TULP4: variants seen among roughly 807,000 people sequenced by gnomAD.
The protein encoded by TULP4 is tubby-related protein 4.
In TULP4, 16 loss-of-function variants were observed where a neutral mutation model predicts 129.0. The observed-to-expected ratio is 0.12, with a 90% CI of 0.08 to 0.19. The LOEUF (loss-of-function observed/expected upper bound fraction) is 0.19. TULP4 is among the 10% of genes least tolerant of loss of function. TULP4 has a pLI of 1.00. For missense variants in TULP4, 1,842 were observed against 2,059.1 expected (o/e 0.89, Z 2.04); for synonymous variants, 998 against 854.0 (o/e 1.17, Z -2.94).
chr6:158,460,864 G>C (rs536098318), intron 5 of TULP4, among the ~76,000 whole-genome samples: 2 of 150,944 alleles, frequency 1.3e-5, no homozygotes, highest in African/African-American at 4.9e-5. Flanking sequence ...AGTGGGACCA[G>C]TACTTATATG....
At chr6:158,341,902 A>G (rs1780187848) in intron 1 of TULP4, among the ~76,000 whole-genome samples, 1 of 152,104 alleles carries the variant, frequency 6.6e-6, no homozygotes, top group Admixed American at 6.5e-5. Flanking sequence ...GCAGTGCAGA[A>G]GCTTTTTAGC....
chr6:158,235,315 CA>C (rs1290137480), intron 1 of TULP4, among the ~76,000 whole-genome samples: 1 of 152,106 alleles, frequency 6.6e-6, no homozygotes, highest in Non-Finnish European at 1.5e-5. Context: ...TGTTAAACCC[CA>C]ACTCTTTCTT....
At chr6:158,382,799 GC>G (rs1414784168) in intron 1 of TULP4, among the ~76,000 whole-genome samples, 5 of 152,294 alleles carry the variant, frequency 3.3e-5, no homozygotes, top group African/African-American at 1.2e-4. Flanking sequence ...CTCTTTGTAA[GC>G]CATGAGACTT....
chr6:158,432,367 C>G (rs781048372), intron 3 of TULP4, among the ~76,000 whole-genome samples: 1 of 152,122 alleles, frequency 6.6e-6, no homozygotes, highest in Non-Finnish European at 1.5e-5. Context: ...GGAAAGCGCA[C>G]CCCTGCAGCT....
intron 6 of TULP4, among the ~76,000 whole-genome samples, chr6:158,462,745 T>A (rs1779462198): frequency 7.9e-6 from 1 of 125,950 alleles, no homozygotes; most frequent in Non-Finnish European, 1.6e-5. Context: ...TCTTTTTTTT[T>A]CCTTTTTTTT....
At chr6:158,406,019 T>C (rs951106942) in intron 1 of TULP4, among the ~76,000 whole-genome samples, 35 of 152,194 alleles carry the variant, frequency 2.3e-4, no homozygotes, top group African/African-American at 8.4e-4. Flanking sequence ...CCTCTGAGTG[T>C]TCCACCAGGT....
chr6:158,498,568 G>T, intron 11 of TULP4, 101 bp from the exon 12 acceptor site: 2 of 1,437,128 alleles, frequency 1.4e-6, no homozygotes, highest in South Asian at 2.5e-5. Flanking sequence ...TCTTCTGATG[G>T]CAGGGAAACT....
chr6:158,244,611 A>C (rs1189704634), intron 1 of TULP4, among the ~76,000 whole-genome samples: 1 of 152,188 alleles, frequency 6.6e-6, no homozygotes, highest in African/African-American at 2.4e-5. Context: ...GCAGCTGCCT[A>C]CAAGGGAGGA....
intron 1 of TULP4, among the ~76,000 whole-genome samples, chr6:158,395,311 T>A (rs1341210091): frequency 6.6e-6 from 1 of 152,098 alleles, no homozygotes; most frequent in Non-Finnish European, 1.5e-5. Flanking sequence ...CCGGGCACGG[T>A]GGCTCATGCC....
intron 5 of TULP4, among the ~76,000 whole-genome samples, chr6:158,455,561 A>G (rs1047745961): frequency 1.3e-5 from 2 of 151,882 alleles, no homozygotes; most frequent in African/African-American, 2.4e-5. Flanking sequence ...ACATGGCCAA[A>G]CCTTGTCTCT....
In TULP4 at chr6:158,503,096, C is replaced by T; in HGVS notation, c.3433C>T (p.Pro1145Ser). 3 of 1,614,156 alleles carry T rather than the reference C, an allele frequency of 1.9e-6. No homozygotes were observed. Among genetic ancestry groups the T allele is most frequent in the Non-Finnish European group, 1.7e-6 (2 of 1,180,020 alleles). ...AGAAAGGACAGCACAGACTTCAGGGCCCAACCCCTTAAAACTGTCCTCTCT... is the reference window on the plus strand; with the variant it reads ...AGAAAGGACAGCACAGACTTCAGGGTCCAACCCCTTAAAACTGTCCTCTCT... ...PQERTAQTSGPNPLKLSSLML... is the reference protein window; with the variant it reads ...PQERTAQTSGSNPLKLSSLML... The change falls in exon 13 of 14, where the codon CCC (proline) becomes TCC (serine). Residue 1145 changes from proline to serine, a missense_variant. Around this residue, in one of 5 missense-constraint regions of TULP4, gnomAD observed 1,089 missense variants for 987.1 expected, o/e 1.10. Transcript: ENST00000367097. The surrounding 1 kb of genome is among the most constrained non-coding windows in gnomAD (Gnocchi z 4.3).
intron 1 of TULP4, among the ~76,000 whole-genome samples, chr6:158,239,388 C>G (rs1358552458): frequency 1.5e-5 from 1 of 65,916 alleles, no homozygotes; most frequent in African/African-American, 4.7e-5. Context: ...CCCTCCCGGA[C>G]GGGGCGGCTG....
At position 158,439,699 on chromosome 6, in the gene TULP4, T is replaced by C. The variant is rs377321772; in HGVS notation, c.544-9297T>C. On this transcript the variant is annotated intron_variant, in intron 3 of 13. Transcript: ENST00000367097. ...TCATGTAAGCTCTTGTACTAGAGTT[T>C]CTTTTTTTTTTTTTTTTTTTTTTTT... 9.3e-4 allele frequency among the ~76,000 whole-genome samples: 118 copies of C among 126,416 alleles called. 1 individual carries two copies. Among genetic ancestry groups the C allele is most frequent in the African/African-American group, 3.2e-3 (112 of 34,842 alleles). 82.9% of individuals were successfully genotyped at this position (126,416 alleles called of 152,430 possible).
intron 1 of TULP4, among the ~76,000 whole-genome samples, chr6:158,254,631 A>G (rs1778212428): frequency 6.6e-6 from 1 of 152,216 alleles, no homozygotes; most frequent in Admixed American, 6.5e-5. Flanking sequence ...CACATATGCC[A>G]TTTCATTTGG....
chr6:158,269,309 C>G (rs1179179375), intron 1 of TULP4, among the ~76,000 whole-genome samples: 1 of 150,540 alleles, frequency 6.6e-6, no homozygotes, highest in East Asian at 1.9e-4. Context: ...CAGAACTAAG[C>G]TATGTCACTA....
At chr6:158,292,772 G>C (rs1035195381) in intron 1 of TULP4, among the ~76,000 whole-genome samples, 2 of 152,154 alleles carry the variant, frequency 1.3e-5, no homozygotes, top group East Asian at 3.9e-4. Flanking sequence ...CACAGTGTAA[G>C]ATTATTTCCT....
intron 6 of TULP4, among the ~76,000 whole-genome samples, chr6:158,466,628 A>G (rs1178989048): frequency 6.6e-6 from 1 of 152,154 alleles, no homozygotes; most frequent in African/African-American, 2.4e-5. Context: ...TTGTTCACTC[A>G]TTTGTTCAAG....
chr6:158,328,903 C>T (rs1410727846), intron 1 of TULP4, among the ~76,000 whole-genome samples: 1 of 152,128 alleles, frequency 6.6e-6, no homozygotes, highest in East Asian at 1.9e-4. Flanking sequence ...AGAAATGAAT[C>T]CTTAGTGCAC....
In TULP4 at chr6:158,449,073, C is replaced by A; in HGVS notation, c.621C>A (p.His207Gln). The change falls in exon 4 of 14, where the codon CAC becomes CAA. Residue 207 changes from histidine to glutamine, a missense_variant. This residue lies in a region of TULP4 where 456 missense variants were observed against 534.3 expected (regional missense o/e 0.85). Transcript: ENST00000367097. Reference protein sequence around the residue: ...HGRMLAHVLLHESDGVLGMSW... With the variant: ...HGRMLAHVLLQESDGVLGMSW... ...GAATGCTGGCCCACGTCCTCTTGCA[C>A]GAGTCAGACGGTGTCCTCGGCATGT... The A allele has an allele frequency of 6.2e-7, 1 of 1,614,032 alleles. No individual in the cohort carries two copies. The highest frequency in any genetic ancestry group is 8.5e-7 in the Non-Finnish European group (1 of 1,179,954).
Sources: gnomAD v4.1 joint callset for allele counts (sites outside exome capture counted in the v4.1 genomes callset) on GRCh38, gnomAD v4.1.1 for gene constraint, gnomAD v4.1.1 regional missense constraint, Gnocchi (gnomAD v3.1) non-coding constraint, MANE v1.5 for transcripts, NCBI Gene and HGNC (gene_info 2026-07-23, HGNC 2026-07-21) for gene names.